Variants in DNAH17 observed in about 807,000 individuals in gnomAD.
The protein encoded by DNAH17 is axonemal beta dynein heavy chain 17.
In DNAH17, 376 loss-of-function variants were observed where a neutral mutation model predicts 485.6. The observed-to-expected ratio is 0.77, with a 90% CI of 0.71 to 0.84. The LOEUF is 0.84. DNAH17 is among the 40% of genes least tolerant of loss of function. The pLI is 0.00. For synonymous variants in DNAH17, 3,031 were observed against 2,405.9 expected (o/e 1.26, Z -7.60); for missense variants, 6,370 against 5,839.3 (o/e 1.09, Z -2.96).
At chr17:78,501,629 G>C in intron 34 of DNAH17, 113 bp downstream of exon 34, 1 of 1,439,018 alleles carries the variant, frequency 6.9e-7, no homozygotes, top group Non-Finnish European at 9.4e-7. Context: ...GCCAGCAACA[G>C]AGTCAGTGCC....
At chr17:78,493,516 C>T (rs1443284520) in intron 41 of DNAH17, among the ~76,000 whole-genome samples, 2 of 152,244 alleles carry the variant, frequency 1.3e-5, no homozygotes, top group African/African-American at 2.4e-5. Flanking sequence ...TGGGTCCATG[C>T]GGCCTCTGCC....
chr17:78,537,535 A>T, intron 18 of DNAH17, 54 bp from the exon 19 acceptor site: 2 of 1,581,006 alleles, frequency 1.3e-6, no homozygotes, highest in Non-Finnish European at 1.7e-6. Flanking sequence ...CCATCGGATG[A>T]TTCTCAGTGC....
chr17:78,500,944 C>A (rs1336119484), intron 35 of DNAH17: 2 of 395,258 alleles, frequency 5.1e-6, no homozygotes, highest in Non-Finnish European at 8.9e-6. Flanking sequence ...TCATGAGGGT[C>A]CATAAAACAT....
At chr17:78,472,188 G>A (rs1483161879) in intron 54 of DNAH17, among the ~76,000 whole-genome samples, 2 of 152,162 alleles carry the variant, frequency 1.3e-5, no homozygotes, top group Non-Finnish European at 2.9e-5. Flanking sequence ...TAGACAGGCA[G>A]GACACGGAGC....
In DNAH17 at chr17:78,564,704, C is replaced by T. The variant is rs145244162; in HGVS notation, c.1569+1910G>A. 3.4e-3 allele frequency among the ~76,000 whole-genome samples: 514 copies of T among 152,316 alleles called. 6 individuals are homozygous for T. The South Asian group carries it at 0.041, about 12-fold the overall frequency. Reference sequence around the variant, plus strand: ...AGCCAGTTGTGCACTGCAGGAAATACTCAGAAGCGCCTGCCCTGTGCTAGG... The same window carrying T: ...AGCCAGTTGTGCACTGCAGGAAATATTCAGAAGCGCCTGCCCTGTGCTAGG... On this transcript the variant is annotated intron_variant, in intron 11 of 80. Transcript: ENST00000389840.
chr17:78,486,587 T>C (rs2146651365), intron 44 of DNAH17, 81 bp from the exon 45 acceptor site: 3 of 1,471,090 alleles, frequency 2.0e-6, no homozygotes, highest in South Asian at 2.7e-5. Flanking sequence ...CGCCCCTCCC[T>C]ACCTCCACCC....
In DNAH17 at chr17:78,468,830, C is replaced by A. The variant is rs772187959; in HGVS notation, c.8565G>T (p.Val2855=). 2.6e-5 allele frequency: 42 copies of A among 1,613,898 alleles called. No homozygotes were observed. The highest frequency in any genetic ancestry group is 3.3e-5 in the Non-Finnish European group (39 of 1,179,912). Reference sequence around the variant, plus strand: ...CCACCTGGGAGTCTGTCATCAGGAACACCGAGGGAACGTTCTTCACGGCAG... The same window carrying A: ...CCACCTGGGAGTCTGTCATCAGGAAAACCGAGGGAACGTTCTTCACGGCAG... ...IKAAVKNVPS[V]FLMTDSQVAE... is the part of the protein sequence containing the mutation. The change falls in exon 55 of 81, where the codon GTG becomes GTT. Residue 2855 remains valine (V), a synonymous_variant. Coordinates refer to ENST00000389840, the MANE Select transcript of DNAH17 (RefSeq NM_173628.4).
chr17:78,492,733 G>A lies in DNAH17; in HGVS notation c.6441C>T (p.Asn2147=). 4 of 1,612,630 alleles carry A rather than the reference G, an allele frequency of 2.5e-6. No homozygotes were observed. The highest frequency in any genetic ancestry group is 3.4e-6 in the Non-Finnish European group (4 of 1,179,410). The change falls in exon 42 of 81, where the codon AAC becomes AAT. Residue 2147 remains asparagine (N), a synonymous_variant. Transcript: ENST00000389840. ...VLKSLNKTYQ[N]LKRKPVAVDL... Reference sequence around the variant, plus strand: ...CCACGGCGACCGGCTTCCTCTTCAGGTTCTGATAGGTCTTGTTGAGGGATT... The same window carrying A: ...CCACGGCGACCGGCTTCCTCTTCAGATTCTGATAGGTCTTGTTGAGGGATT...
Position 78,510,481 on chromosome 17 carries a change from G to T in DNAH17, c.4139C>A (p.Thr1380Lys). ...CAGCTGCAGTAAATCTGCCAGGGTCGTCTCTTCTGACATTTTAAATTTCAC... is the reference window on the plus strand; with the variant it reads ...CAGCTGCAGTAAATCTGCCAGGGTCTTCTCTTCTGACATTTTAAATTTCAC... ...TQVKFKMSEE[T>K]TLADLLQLNL... The change falls in exon 27 of 81, where the codon ACG (threonine) becomes AAG (lysine). Residue 1380 changes from threonine (T) to lysine (K), a missense_variant. Thr to Lys is a moderately conservative substitution (Grantham distance 78). Transcript: ENST00000389840. The T allele has an allele frequency of 6.2e-7, 1 of 1,613,850 alleles. No homozygotes were observed. Among genetic ancestry groups the T allele is most frequent in the Non-Finnish European group, 8.5e-7 (1 of 1,179,834 alleles).
At chr17:78,483,895 G>C (rs948113934) in intron 48 of DNAH17, among the ~76,000 whole-genome samples, 1 of 151,884 alleles carries the variant, frequency 6.6e-6, no homozygotes, top group Non-Finnish European at 1.5e-5. Context: ...TCAGGAGTTC[G>C]AGAACAGCCT....
At chr17:78,491,720 C>A (rs2089866945) in intron 42 of DNAH17, 150 bp from the exon 43 acceptor site, 3 of 1,284,862 alleles carry the variant, frequency 2.3e-6, no homozygotes, top group Non-Finnish European at 3.1e-6. Flanking sequence ...GGTGCCCAGG[C>A]TCCCTGCCCT....
At position 78,561,734 on chromosome 17, in the gene DNAH17, G is replaced by A; in HGVS notation, c.1816C>T (p.Leu606=). ...QERLEVSMKH[L]KHVEHPVMSG... Reference sequence around the variant, plus strand: ...ACTCACGGGTGTTCGACGTGCTTCAGGTGTTTCATGGACACCTCTAGCCTC... The same window carrying A: ...ACTCACGGGTGTTCGACGTGCTTCAAGTGTTTCATGGACACCTCTAGCCTC... The change falls in exon 12 of 81, where the codon CTG becomes TTG. Residue 606 remains leucine, a synonymous_variant. Coordinates refer to ENST00000389840, the MANE Select transcript of DNAH17 (RefSeq NM_173628.4). The A allele has an allele frequency of 1.2e-6, 2 of 1,610,442 alleles. No homozygotes were observed. The highest frequency in any genetic ancestry group is 1.7e-6 in the Non-Finnish European group (2 of 1,177,966).
At position 78,449,595 on chromosome 17, in the gene DNAH17, G is replaced by GA; in HGVS notation, c.11041-12_11041-11insT. The GA allele has an allele frequency of 6.3e-7, 1 of 1,581,978 alleles. No homozygotes were observed. Among genetic ancestry groups the GA allele is most frequent in the Non-Finnish European group, 8.6e-7 (1 of 1,161,724 alleles). ...CACCACGTTGAAGGCCTGGGGATCC[G>GA]CCACCGAGAGCCATGGAGGCGTGCA... On this transcript the variant is annotated splice_polypyrimidine_tract_variant and intron_variant, in intron 68 of 80. Transcript: ENST00000389840.
intron 30 of DNAH17, among the ~76,000 whole-genome samples, chr17:78,505,782 C>T (rs549246002): frequency 7.8e-4 from 119 of 152,112 alleles, no homozygotes; most frequent in African/African-American, 2.8e-3. Context: ...AGTTCGAGAC[C>T]AGCCTGACCA....
chr17:78,446,497 C>T (rs1362670295), intron 69 of DNAH17, among the ~76,000 whole-genome samples: 1 of 152,186 alleles, frequency 6.6e-6, no homozygotes, highest in Non-Finnish European at 1.5e-5. Flanking sequence ...TGTGTCAGAA[C>T]CTCCTTCCTC....
At chr17:78,434,856 C>T (rs943019840) in intron 74 of DNAH17, among the ~76,000 whole-genome samples, 1 of 152,228 alleles carries the variant, frequency 6.6e-6, no homozygotes, top group African/African-American at 2.4e-5. Flanking sequence ...ACCTGCTCTA[C>T]TCAGCGGCTG....
chr17:78,508,616 G>A (rs539985204), intron 27 of DNAH17, among the ~76,000 whole-genome samples: 34 of 152,224 alleles, frequency 2.2e-4, no homozygotes, highest in African/African-American at 6.3e-4. Flanking sequence ...TACCTATGAT[G>A]CCATTCCTAT....
rs142739657 is a variant in DNAH17 at position 78,428,205 on chromosome 17, G to GC, written c.12588+319dup. 3,770 of 419,744 alleles carry GC rather than the reference G, an allele frequency of 9.0e-3. 131 individuals carry two copies. The highest frequency in any genetic ancestry group is 0.07 in the African/African-American group (3,442 of 49,400). The allele number at this position is 419,744 out of a possible 1,614,324, so 26.0% of individuals were successfully genotyped here. On this transcript the variant is annotated intron_variant, in intron 77 of 80. Coordinates refer to ENST00000389840, the MANE Select transcript of DNAH17 (RefSeq NM_173628.4). ...CAGGCCAGGGTGGGGAATGGTCGGT[G>GC]CCCTTCCTGGCGCTCAGCTAGGGAA...
At chr17:78,555,840 G>T (rs771912539) in intron 14 of DNAH17, among the ~76,000 whole-genome samples, 3 of 152,166 alleles carry the variant, frequency 2.0e-5, no homozygotes, top group African/African-American at 2.4e-5. Context: ...CACAAAAGGC[G>T]GAGGAAGGAG....
Sources: allele counts gnomAD v4.1 joint callset (sites outside exome capture counted in the v4.1 genomes callset), GRCh38; gene constraint gnomAD v4.1.1; transcripts MANE v1.5; gene names NCBI Gene and HGNC (gene_info 2026-07-23, HGNC 2026-07-21).